The following BLMH variants were observed in gnomAD, a reference collection of about 807,000 sequenced individuals.
BLMH encodes BLM hydrolase.
Under a neutral mutation model 61.6 loss-of-function variants are expected in BLMH, and 32 were observed. The ratio of observed to expected loss-of-function variants is 0.52; its 90% CI spans 0.39 to 0.70. The LOEUF (loss-of-function observed/expected upper bound fraction) is 0.70. Among genes scored for constraint, BLMH ranks in the 30% least tolerant of loss-of-function variants. BLMH has a pLI of 0.00. For synonymous variants in BLMH, 183 were observed against 193.8 expected (o/e 0.94, Z 0.46); for missense variants, 460 against 555.5 (o/e 0.83, Z 1.73).
At chr17:30,274,277 T>A (rs891308485) in intron 6 of BLMH, 80 bp from the exon 7 acceptor site, 29 of 1,473,336 alleles carry the variant, frequency 2.0e-5, no homozygotes, top group Non-Finnish European at 2.5e-5. Flanking sequence ...TCCTTAAGCT[T>A]AGGAAACACA....
chr17:30,291,775 G>C, intron 1 of BLMH, 32 bp downstream of exon 1: 1 of 1,409,766 alleles, frequency 7.1e-7, no homozygotes, highest in Non-Finnish European at 9.2e-7. Flanking sequence ...AGCTCCTCCA[G>C]AGGACCGCGG....
intron 2 of BLMH, 55 bp downstream of exon 2, chr17:30,291,256 A>C: frequency 6.3e-7 from 1 of 1,576,758 alleles, no homozygotes; most frequent in Non-Finnish European, 8.6e-7. Flanking sequence ...AAGACACCAA[A>C]ATGGGACGCT....
At chr17:30,265,315 T>G (rs193151109) in intron 11 of BLMH, among the ~76,000 whole-genome samples, 1 of 152,236 alleles carries the variant, frequency 6.6e-6, no homozygotes, top group South Asian at 2.1e-4. Flanking sequence ...ATCAGCATAC[T>G]AAAATGCTGT....
chr17:30,271,110 G>A (rs925337580), intron 10 of BLMH, among the ~76,000 whole-genome samples, 161 bp downstream of exon 10: 1 of 152,114 alleles, frequency 6.6e-6, no homozygotes, highest in South Asian at 2.1e-4. Context: ...CTCTAAGCAC[G>A]CAGCCAAGCC....
chr17:30,286,448 C>A (rs1009633873), intron 5 of BLMH, among the ~76,000 whole-genome samples: 1 of 152,196 alleles, frequency 6.6e-6, no homozygotes, highest in Non-Finnish European at 1.5e-5. Context: ...TTGCGAATAG[C>A]TCTTTTTGGT....
intron 6 of BLMH, among the ~76,000 whole-genome samples, chr17:30,282,016 C>G (rs902865104): frequency 6.6e-6 from 1 of 152,020 alleles, no homozygotes; most frequent in Non-Finnish European, 1.5e-5. Flanking sequence ...CTTCTTTTCC[C>G]TTTTTGTGGC....
intron 6 of BLMH, among the ~76,000 whole-genome samples, chr17:30,276,214 TG>T (rs1212736001): frequency 1.3e-5 from 2 of 152,220 alleles, no homozygotes; most frequent in Non-Finnish European, 2.9e-5. Context: ...CCGTCTACTT[TG>T]CTGTACTATC....
chr17:30,287,592 C>T (rs994023424), intron 4 of BLMH, among the ~76,000 whole-genome samples: 2 of 152,164 alleles, frequency 1.3e-5, no homozygotes, highest in Non-Finnish European at 2.9e-5. Flanking sequence ...TTTTCTTCTC[C>T]AACCCATCCT....
chr17:30,257,994 A>G (rs940370650), intron 11 of BLMH, among the ~76,000 whole-genome samples: 4 of 152,136 alleles, frequency 2.6e-5, no homozygotes, highest in African/African-American at 9.7e-5. Flanking sequence ...TGTATTTTGT[A>G]TCTTTTATTT....
chr17:30,275,077 C>T (rs947527565), intron 6 of BLMH, among the ~76,000 whole-genome samples: 7 of 149,128 alleles, frequency 4.7e-5, no homozygotes, highest in Admixed American at 1.3e-4. Context: ...ACTAGCCAGG[C>T]GTGGTGGCCT....
chr17:30,287,208 G>A (rs1330416626), intron 4 of BLMH, among the ~76,000 whole-genome samples: 1 of 152,084 alleles, frequency 6.6e-6, no homozygotes, highest in African/African-American at 2.4e-5. Context: ...TTTATTTTCT[G>A]TAGAGACAGG....
intron 11 of BLMH, among the ~76,000 whole-genome samples, chr17:30,258,329 T>C (rs566655939): frequency 5.9e-5 from 9 of 152,156 alleles, no homozygotes; most frequent in East Asian, 1.9e-4. Context: ...AGAGAAAACA[T>C]AGAAGTCTGG....
intron 11 of BLMH, among the ~76,000 whole-genome samples, chr17:30,266,470 A>G (rs990248676): frequency 2.0e-5 from 3 of 149,094 alleles, no homozygotes; most frequent in Admixed American, 6.7e-5. Flanking sequence ...GCTTGCAGTG[A>G]GCCAAGATTA....
chr17:30,254,437 A>T (rs1286055029), intron 11 of BLMH, among the ~76,000 whole-genome samples: 1 of 152,196 alleles, frequency 6.6e-6, no homozygotes, highest in Non-Finnish European at 1.5e-5. Context: ...CAAGCTTCCT[A>T]ATCATCAGGG....
At chr17:30,266,321 A>G (rs1237193430) in intron 11 of BLMH, among the ~76,000 whole-genome samples, 2 of 151,912 alleles carry the variant, frequency 1.3e-5, no homozygotes, top group Non-Finnish European at 2.9e-5. Flanking sequence ...AGGTCAGGAA[A>G]TCGAGACCAT....
chr17:30,284,293 G>A (rs1267191610), intron 6 of BLMH, among the ~76,000 whole-genome samples: 1 of 152,214 alleles, frequency 6.6e-6, no homozygotes, highest in Non-Finnish European at 1.5e-5. Context: ...AGCCTTTAGA[G>A]CTTAAGGAAC....
At chr17:30,263,166 A>C (rs979567043) in intron 11 of BLMH, among the ~76,000 whole-genome samples, 1 of 152,146 alleles carries the variant, frequency 6.6e-6, no homozygotes, top group Non-Finnish European at 1.5e-5. Flanking sequence ...AGCACAGTTT[A>C]GTGGTTAAGA....
chr17:30,256,392 G>A (rs557154905), intron 11 of BLMH, among the ~76,000 whole-genome samples: 1 of 152,172 alleles, frequency 6.6e-6, no homozygotes, highest in African/African-American at 2.4e-5. Context: ...GCAGTGGCGT[G>A]ATCTCAGTTC....
intron 11 of BLMH, among the ~76,000 whole-genome samples, chr17:30,266,597 G>A (rs1164503179): frequency 6.6e-6 from 1 of 152,104 alleles, no homozygotes; most frequent in Non-Finnish European, 1.5e-5. Context: ...CCTGGCAAGG[G>A]CACTCAACCT....
Sources: allele counts gnomAD v4.1 joint callset (sites outside exome capture counted in the v4.1 genomes callset), GRCh38; gene constraint gnomAD v4.1.1; transcripts MANE v1.5; gene names NCBI Gene and HGNC (gene_info 2026-07-23, HGNC 2026-07-21).